Variants in SUCLA2 observed in about 807,000 individuals in gnomAD.
The protein encoded by SUCLA2 is succinate-CoA ligase ADP-forming subunit beta, also known as succinate--CoA ligase [ADP-forming] subunit beta, mitochondrial.
A neutral mutation model predicts 54.8 loss-of-function variants in SUCLA2; 30 were observed. The observed-to-expected ratio is 0.55, with a 90% CI of 0.41 to 0.74. The LOEUF is 0.74. SUCLA2 is among the 30% of genes least tolerant of loss of function. The probability of loss-of-function intolerance (pLI) is 0.00; values close to 1 mark genes in which losing one functional copy is unlikely to be tolerated. For synonymous variants in SUCLA2, 172 were observed against 188.9 expected (o/e 0.91, Z 0.74); for missense variants, 476 against 562.9 (o/e 0.85, Z 1.56).
At chr13:47,991,688 G>GAA (rs1033548443) in intron 2 of SUCLA2, 5 of 151,812 alleles carry the variant, frequency 3.3e-5, no homozygotes, top group African/African-American at 1.2e-4. Context: ...GCTGAATGTT[G>GAA]AAAAAAAGGA....
intron 4 of SUCLA2, among the ~76,000 whole-genome samples, chr13:47,981,490 G>A (rs1292214677): frequency 6.6e-6 from 1 of 152,158 alleles, no homozygotes; most frequent in African/African-American, 2.4e-5. Flanking sequence ...AGAAAAACTG[G>A]AAGCTTTGTC....
chr13:47,983,191 G>GTCTT (rs1950072869), intron 4 of SUCLA2, among the ~76,000 whole-genome samples: 1 of 152,174 alleles, frequency 6.6e-6, no homozygotes, highest in Admixed American at 6.5e-5. Context: ...GCAAGTCTAA[G>GTCTT]TAAAGAGAAA....
intron 6 of SUCLA2, among the ~76,000 whole-genome samples, chr13:47,958,696 A>G (rs992664648): frequency 2.6e-5 from 4 of 152,228 alleles, no homozygotes; most frequent in Admixed American, 2.6e-4. Flanking sequence ...TTTTGAAAAG[A>G]GTAATTAAGT....
chr13:47,964,339 T>A (rs953926952), intron 6 of SUCLA2, among the ~76,000 whole-genome samples: 6 of 152,308 alleles, frequency 3.9e-5, no homozygotes, highest in Admixed American at 1.3e-4. Flanking sequence ...ACAATGTGAA[T>A]GCAAAGAGGT....
chr13:47,992,226 G>A (rs1020846096), intron 2 of SUCLA2, among the ~76,000 whole-genome samples: 1 of 152,046 alleles, frequency 6.6e-6, no homozygotes, highest in Non-Finnish European at 1.5e-5. Flanking sequence ...CCTATTAAGA[G>A]TAACGAAGCT....
chr13:47,988,452 T>C, intron 4 of SUCLA2, 89 bp downstream of exon 4: 1 of 1,452,230 alleles, frequency 6.9e-7, no homozygotes, highest in Admixed American at 1.7e-5. Flanking sequence ...ACTTTTAAAA[T>C]CTTTCCCACA....
intron 10 of SUCLA2, among the ~76,000 whole-genome samples, chr13:47,946,593 T>A (rs7996175): frequency 0.66 from 99,196 of 149,808 alleles, 33,260 homozygotes; most frequent in East Asian, 0.77. Context: ...TTTTTTTTTT[T>A]AAAAAAAGCA....
intron 10 of SUCLA2, among the ~76,000 whole-genome samples, chr13:47,948,540 C>T (rs899779453): frequency 6.6e-6 from 1 of 152,072 alleles, no homozygotes; most frequent in Non-Finnish European, 1.5e-5. Flanking sequence ...TGTATTTGTC[C>T]CTGCATAGTC....
intron 6 of SUCLA2, among the ~76,000 whole-genome samples, chr13:47,959,335 T>A (rs924621514): frequency 6.8e-6 from 1 of 147,674 alleles, no homozygotes; most frequent in Non-Finnish European, 1.5e-5. Context: ...GTTATAAAGA[T>A]AATAATTTTG....
In SUCLA2 at chr13:47,969,553, T is replaced by C. The variant is rs1437417289; in HGVS notation, c.664-820A>G. Among the ~76,000 whole-genome samples the C allele has an allele frequency of 2.0e-5, 3 of 152,172 alleles. No homozygotes were observed. In the East Asian group the frequency reaches 5.8e-4, roughly 29 times the overall value. ...TCTGGTTGACAAGTTTTTTACTGGA[T>C]CAAGCATCTATCATGTTTCAAGTTC... On this transcript the variant is annotated intron_variant, in intron 5 of 10. Coordinates refer to ENST00000646932, the MANE Select transcript of SUCLA2 (RefSeq NM_003850.3).
At chr13:47,986,193 A>G (rs1003163837) in intron 4 of SUCLA2, among the ~76,000 whole-genome samples, 3 of 151,642 alleles carry the variant, frequency 2.0e-5, no homozygotes, top group Non-Finnish European at 4.4e-5. Flanking sequence ...ACCATGCCCA[A>G]CTAATTTTTT....
chr13:47,990,929 C>A lies in SUCLA2; in HGVS notation c.272-1948G>T, dbSNP rs145674856. Among the ~76,000 whole-genome samples, 659 of 152,260 alleles carry A rather than the reference C, an allele frequency of 4.3e-3. 7 individuals are homozygous for A. The highest frequency in any genetic ancestry group is 0.015 in the African/African-American group (612 of 41,556). On this transcript the variant is annotated intron_variant, in intron 2 of 10. Transcript: ENST00000646932. ...CACCAGAAATACATGCTATTTAAAC[C>A]AGATGATGACCCTATGCGTAGTCAG...
intron 6 of SUCLA2, among the ~76,000 whole-genome samples, chr13:47,967,328 T>C (rs1445828125): frequency 6.6e-6 from 1 of 152,026 alleles, no homozygotes; most frequent in Non-Finnish European, 1.5e-5. Context: ...GCAGAACCTT[T>C]ACTTTAGCAT....
intron 4 of SUCLA2, among the ~76,000 whole-genome samples, chr13:47,985,107 G>T (rs1302857833): frequency 6.6e-6 from 1 of 152,140 alleles, no homozygotes; most frequent in South Asian, 2.1e-4. Context: ...GTTACCTCCC[G>T]GAATCAGGAT....
At chr13:47,987,982 A>G (rs1950116532) in intron 4 of SUCLA2, 1 of 152,278 alleles carries the variant, frequency 6.6e-6, no homozygotes, top group African/African-American at 2.4e-5. Context: ...TATGTTCAAC[A>G]TTTTAGGTTC....
intron 5 of SUCLA2, among the ~76,000 whole-genome samples, chr13:47,972,748 C>CTT (rs1204256460): frequency 0.077 from 9,135 of 118,638 alleles, 643 homozygotes; most frequent in South Asian, 0.13. Flanking sequence ...TATAGTGACT[C>CTT]TTTTTTTTTT....
At chr13:47,963,607 T>G (rs1949890704) in intron 6 of SUCLA2, among the ~76,000 whole-genome samples, 1 of 151,866 alleles carries the variant, frequency 6.6e-6, no homozygotes, top group Non-Finnish European at 1.5e-5. Flanking sequence ...ATCACGCCAC[T>G]GCACTCCAGC....
chr13:47,968,509 CTTTAACTTCTATGA>C, intron 6 of SUCLA2, 72 bp downstream of exon 6: 1 of 1,504,598 alleles, frequency 6.6e-7, no homozygotes, highest in African/African-American at 1.4e-5. Flanking sequence ...AGTTTAACTA[CTTTAACTTCTATGA>C]TTTAACTTCC....
intron 10 of SUCLA2, among the ~76,000 whole-genome samples, chr13:47,943,764 G>GAATATATA (rs1949706182): frequency 7.2e-6 from 1 of 137,988 alleles, no homozygotes; most frequent in Non-Finnish European, 1.5e-5. Context: ...GTGTGTGTGT[G>GAATATATA]TGTATATATA....
Sources: allele counts gnomAD v4.1 joint callset (sites outside exome capture counted in the v4.1 genomes callset), GRCh38; gene constraint gnomAD v4.1.1; transcripts MANE v1.5; gene names NCBI Gene and HGNC (gene_info 2026-07-23, HGNC 2026-07-21).